GRID1: variants seen among roughly 807,000 people sequenced by gnomAD.
The protein encoded by GRID1 is glutamate receptor ionotropic, delta-1.
A neutral mutation model predicts 98.0 loss-of-function variants in GRID1; 28 were observed. The observed-to-expected ratio is 0.29, with a 90% CI of 0.21 to 0.39. The LOEUF (loss-of-function observed/expected upper bound fraction) is 0.39, where lower values mean the gene tolerates loss of function less well. Ranked by LOEUF, GRID1 falls within the 10% of genes least tolerant of loss-of-function variation. GRID1 has a pLI of 1.00. For synonymous variants in GRID1, 553 were observed against 538.5 expected (o/e 1.03, Z -0.37); for missense variants, 1,111 against 1,340.5 (o/e 0.83, Z 2.67).
intron 4 of GRID1, among the ~76,000 whole-genome samples, chr10:86,137,003 T>G (rs1461203523): frequency 1.3e-5 from 2 of 150,188 alleles, no homozygotes; most frequent in Non-Finnish European, 3.0e-5. Context: ...AAAAAAAAAG[T>G]GGCCACCCCA....
chr10:86,206,751 C>T lies in GRID1; in HGVS notation c.236-103G>A. The T allele has an allele frequency of 1.1e-5, 12 of 1,100,532 alleles. No homozygotes were observed. In the South Asian group the frequency reaches 1.7e-4, roughly 16 times the overall value. The allele number at this position is 1,100,532 out of a possible 1,614,324, so 68.2% of individuals were successfully genotyped here. A position where few individuals can be genotyped will look rare whatever the true frequency, so the allele number is the denominator to read the frequency against. ...CCTGGCAGCTCATGCCCAGGACTCCCAAGAGAGGCTGCCTCCCTCCAGGAC... is the reference window on the plus strand; with the variant it reads ...CCTGGCAGCTCATGCCCAGGACTCCTAAGAGAGGCTGCCTCCCTCCAGGAC... On this transcript the variant is annotated intron_variant, in intron 2 of 15. Transcript: ENST00000327946. The surrounding 1 kb of genome is among the most constrained non-coding windows in gnomAD (Gnocchi z 4.1).
intron 8 of GRID1, among the ~76,000 whole-genome samples, chr10:85,787,115 A>G (rs547788161): frequency 6.6e-6 from 1 of 152,270 alleles, no homozygotes; most frequent in Admixed American, 6.5e-5. Flanking sequence ...AGTTACTTAT[A>G]CACTCTCTGA....
chr10:85,705,114 A>G (rs1182334893), intron 12 of GRID1, among the ~76,000 whole-genome samples: 3 of 152,238 alleles, frequency 2.0e-5, no homozygotes, highest in African/African-American at 7.2e-5. Context: ...AGAAATAACT[A>G]AGATCAGAGC....
chr10:86,210,796 A>G (rs560885747), intron 2 of GRID1, among the ~76,000 whole-genome samples: 1 of 152,370 alleles, frequency 6.6e-6, no homozygotes, highest in Non-Finnish European at 1.5e-5. Flanking sequence ...AATGATGGTT[A>G]TTTGGAGGCT....
At chr10:85,679,473 T>C (rs1394929618) in intron 12 of GRID1, among the ~76,000 whole-genome samples, 1 of 152,016 alleles carries the variant, frequency 6.6e-6, no homozygotes, top group African/African-American at 2.4e-5. Flanking sequence ...TTTCCAGCTG[T>C]TCCTCAACCC....
intron 4 of GRID1, among the ~76,000 whole-genome samples, chr10:86,022,272 A>C (rs897235374): frequency 3.9e-5 from 6 of 152,188 alleles, no homozygotes; most frequent in African/African-American, 1.4e-4. Context: ...CATACTTAAA[A>C]TTTTTTCTAA....
chr10:85,775,866 CTCTT>C (rs1191516953), intron 8 of GRID1, among the ~76,000 whole-genome samples: 1 of 152,122 alleles, frequency 6.6e-6, no homozygotes, highest in African/African-American at 2.4e-5. Context: ...AAGAGTCACT[CTCTT>C]TGTGGGTGGG....
At chr10:85,766,730 T>TTGCGTG (rs1554829929) in intron 8 of GRID1, among the ~76,000 whole-genome samples, 16 of 138,440 alleles carry the variant, frequency 1.2e-4, no homozygotes, top group African/African-American at 4.4e-4. Context: ...AGGCAGATGA[T>TTGCGTG]TGTGTGTGTG....
intron 4 of GRID1, among the ~76,000 whole-genome samples, chr10:86,025,725 T>C (rs1023848585): frequency 1.3e-5 from 2 of 152,202 alleles, no homozygotes; most frequent in African/African-American, 4.8e-5. Context: ...GCACTGTGTA[T>C]ACAAGCGGAT....
chr10:86,203,650 A>G (rs899461588), intron 3 of GRID1, among the ~76,000 whole-genome samples: 1 of 151,658 alleles, frequency 6.6e-6, no homozygotes, highest in Admixed American at 6.6e-5. Context: ...CCAATAAAAG[A>G]GTTCTCTGGC....
chr10:85,900,871 C>T (rs570562162), intron 5 of GRID1, among the ~76,000 whole-genome samples: 1 of 152,102 alleles, frequency 6.6e-6, no homozygotes, highest in Admixed American at 6.5e-5. Flanking sequence ...GGGAGAGAGG[C>T]CATGAAGGAA....
chr10:86,047,543 C>A (rs980263949), intron 4 of GRID1, among the ~76,000 whole-genome samples: 3 of 152,138 alleles, frequency 2.0e-5, no homozygotes, highest in African/African-American at 7.2e-5. Flanking sequence ...CATTGCCCAG[C>A]CTAAACAGAG....
At chr10:86,336,661 A>G (rs760641953) in intron 2 of GRID1, among the ~76,000 whole-genome samples, 1 of 152,210 alleles carries the variant, frequency 6.6e-6, no homozygotes, top group Non-Finnish European at 1.5e-5. Context: ...CAGGTACTAA[A>G]GCGCAATGAT....
At chr10:86,295,591 G>A (rs1237775595) in intron 2 of GRID1, among the ~76,000 whole-genome samples, 1 of 152,216 alleles carries the variant, frequency 6.6e-6, no homozygotes, top group Non-Finnish European at 1.5e-5. Flanking sequence ...GAAAGAGAGG[G>A]GAAGGTCAGA....
At chr10:85,978,317 C>T (rs945109722) in intron 4 of GRID1, among the ~76,000 whole-genome samples, 8 of 152,136 alleles carry the variant, frequency 5.3e-5, no homozygotes, top group South Asian at 2.1e-4. Flanking sequence ...TTGCCCAAGC[C>T]GAAAAACATA....
chr10:85,839,987 A>C (rs59444660), intron 8 of GRID1, among the ~76,000 whole-genome samples: 2,436 of 152,328 alleles, frequency 0.016, 63 homozygotes, highest in African/African-American at 0.055. Context: ...TTCTAGGCAT[A>C]TAAGCTAGAA....
intron 4 of GRID1, among the ~76,000 whole-genome samples, chr10:85,987,852 AC>A (rs1225451511): frequency 6.6e-6 from 1 of 151,366 alleles, no homozygotes; most frequent in East Asian, 2.0e-4. Context: ...TCACATCCTC[AC>A]CTTTTTCTTC....
intron 2 of GRID1, among the ~76,000 whole-genome samples, chr10:86,242,267 G>C (rs1846649587): frequency 6.6e-6 from 1 of 152,212 alleles, no homozygotes; most frequent in Admixed American, 6.5e-5. Flanking sequence ...GAAGATCGGA[G>C]GAGGACAATG....
At chr10:86,315,816 A>G (rs1287160852) in intron 2 of GRID1, among the ~76,000 whole-genome samples, 1 of 151,788 alleles carries the variant, frequency 6.6e-6, no homozygotes, top group Admixed American at 6.6e-5. Context: ...CCAACCTCCA[A>G]TTCATCCAGC....
Sources: gnomAD v4.1 joint callset for allele counts (sites outside exome capture counted in the v4.1 genomes callset) on GRCh38, gnomAD v4.1.1 for gene constraint, Gnocchi (gnomAD v3.1) non-coding constraint, MANE v1.5 for transcripts, NCBI Gene and HGNC (gene_info 2026-07-23, HGNC 2026-07-21) for gene names.